ATG4B: variants seen among roughly 807,000 people sequenced by gnomAD.
ATG4B encodes the protein autophagy related 4B cysteine peptidase, also known as cysteine protease ATG4B.
Under a neutral mutation model 56.6 loss-of-function variants are expected in ATG4B, and 29 were observed. The observed-to-expected ratio is 0.51, with a 90% confidence interval of 0.38 to 0.70. The LOEUF (loss-of-function observed/expected upper bound fraction) is 0.70, where lower values mean the gene tolerates loss of function less well. ATG4B is among the 30% of genes least tolerant of loss of function. The pLI, the probability that ATG4B is intolerant of heterozygous loss-of-function variation, is 0.00. For missense variants in ATG4B, 461 were observed against 515.5 expected (o/e 0.89, Z 1.02); for synonymous variants, 224 against 206.1 (o/e 1.09, Z -0.74).
chr2:241,668,655 C>A lies in ATG4B; in HGVS notation c.927C>A (p.Ser309Arg). The change falls in exon 10 of 13, where the codon AGC (serine) becomes AGA (arginine). Residue 309 changes from serine to arginine, a missense_variant. By Grantham distance (110) the Ser-to-Arg change is moderately radical. Transcript: ENST00000404914. The surrounding 1 kb of genome is among the most constrained non-coding windows in gnomAD (Gnocchi z 4.2). ...GCCAGCACCCGCCGTGCCGCATGAG[C>A]ATCGCGGAGCTTGACCCGTCCATCG... is the stretch of plus-strand genomic sequence containing the variant. ...FHCQHPPCRMSIAELDPSIAV... is the reference protein window; with the variant it reads ...FHCQHPPCRMRIAELDPSIAV... The A allele has an allele frequency of 6.3e-7, 1 of 1,579,362 alleles. No individual in the cohort carries two copies. The highest frequency in any genetic ancestry group is 8.6e-7 in the Non-Finnish European group (1 of 1,163,768).
At chr2:241,642,902 A>C (rs2067943787) in intron 1 of ATG4B, among the ~76,000 whole-genome samples, 1 of 52,992 alleles carries the variant, frequency 1.9e-5, no homozygotes, top group Admixed American at 1.7e-4. Context: ...TTTTTTTAAG[A>C]CGGAGTCTCA....
At chr2:241,643,929 A>T (rs141748302) in intron 1 of ATG4B, among the ~76,000 whole-genome samples, 1 of 152,188 alleles carries the variant, frequency 6.6e-6, no homozygotes, top group African/African-American at 2.4e-5. Context: ...CTTATAAATC[A>T]CATGATGTGG....
At chr2:241,637,850 GCGGC>G in intron 1 of ATG4B, 126 bp downstream of exon 1, 1 of 1,174,132 alleles carries the variant, frequency 8.5e-7, no homozygotes, top group Non-Finnish European at 1.1e-6. Context: ...CTGGGCCGGG[GCGGC>G]GGGCGCTGCG....
At chr2:241,639,022 A>G (rs1421975796) in intron 1 of ATG4B, among the ~76,000 whole-genome samples, 1 of 152,106 alleles carries the variant, frequency 6.6e-6, no homozygotes, top group Non-Finnish European at 1.5e-5. Context: ...TCGCCGCAGG[A>G]GATACCCCAT....
At chr2:241,646,768 C>G (rs959306692) in intron 1 of ATG4B, among the ~76,000 whole-genome samples, 1 of 144,772 alleles carries the variant, frequency 6.9e-6, no homozygotes, top group Non-Finnish European at 1.5e-5. Context: ...AGGTAGATTA[C>G]GTGTATTCAA....
intron 1 of ATG4B, among the ~76,000 whole-genome samples, chr2:241,646,344 G>A (rs1260765933): frequency 6.6e-6 from 1 of 151,970 alleles, no homozygotes; most frequent in East Asian, 1.9e-4. Flanking sequence ...TTTTAATATG[G>A]GAAACTAGAC....
chr2:241,671,582 T>G (rs2068972962), intron 12 of ATG4B, 177 bp downstream of exon 12: 1 of 1,521,238 alleles, frequency 6.6e-7, no homozygotes. Flanking sequence ...TCCTCCAAGC[T>G]TGCGCCCAGC....
At chr2:241,646,436 T>TA in intron 1 of ATG4B, among the ~76,000 whole-genome samples, 1 of 152,364 alleles carries the variant, frequency 6.6e-6, no homozygotes, top group Admixed American at 6.5e-5. Flanking sequence ...CCTGATGACA[T>TA]ACGCCACATT....
intron 10 of ATG4B, among the ~76,000 whole-genome samples, chr2:241,669,534 G>A (rs1232689455): frequency 1.3e-5 from 2 of 152,158 alleles, no homozygotes; most frequent in African/African-American, 4.8e-5. Flanking sequence ...TTGAGACGGA[G>A]TCTCACTCTG....
At chr2:241,649,795 T>C (rs1399938620) in intron 1 of ATG4B, among the ~76,000 whole-genome samples, 1 of 150,476 alleles carries the variant, frequency 6.6e-6, no homozygotes, top group Non-Finnish European at 1.5e-5. Flanking sequence ...TTTTTTTTTT[T>C]TTTTTGAGAT....
intron 6 of ATG4B, among the ~76,000 whole-genome samples, chr2:241,657,613 T>C (rs2068448745): frequency 6.6e-6 from 1 of 152,242 alleles, no homozygotes; most frequent in South Asian, 2.1e-4. Flanking sequence ...AATTCCTCTT[T>C]ATTTCAGTGG....
chr2:241,659,198 C>T lies in ATG4B; in HGVS notation c.538+11C>T, dbSNP rs1375295965. 4.7e-5 allele frequency: 76 copies of T among 1,611,844 alleles called. No individual in the cohort carries two copies. Among genetic ancestry groups the T allele is most frequent in the Non-Finnish European group, 5.0e-5 (59 of 1,178,184 alleles). On this transcript the variant is annotated intron_variant, in intron 7 of 12. Coordinates refer to ENST00000404914, the MANE Select transcript of ATG4B (RefSeq NM_013325.5). ...TGATGGAGGAAATCAGTAAGTGGCT[C>T]AGAGTTTCCATGGACAAGAAAGTTG...
chr2:241,659,102 C>T lies in ATG4B; in HGVS notation c.459-6C>T. On this transcript the variant is annotated splice_region_variant and splice_polypyrimidine_tract_variant and intron_variant, in intron 6 of 12. Coordinates refer to ENST00000404914, the MANE Select transcript of ATG4B (RefSeq NM_013325.5). The stretch of plus-strand genomic sequence containing the variant: ...AAGCTTATGGTCATTCTCCTACTCT[C>T]TGTAGGAAGCTTGCTGTCTTCGATA... The T allele has an allele frequency of 6.3e-7, 1 of 1,593,958 alleles. No individual in the cohort carries two copies. Among genetic ancestry groups the T allele is most frequent in the Middle Eastern group, 1.7e-4 (1 of 5,988 alleles).
At chr2:241,649,650 C>T (rs2068169355) in intron 1 of ATG4B, among the ~76,000 whole-genome samples, 1 of 152,260 alleles carries the variant, frequency 6.6e-6, no homozygotes, top group African/African-American at 2.4e-5. Context: ...TGGGCTGGTG[C>T]ATTGCTGCTG....
chr2:241,672,226 G>C lies in ATG4B; in HGVS notation c.1144G>C (p.Asp382His), dbSNP rs1196182391. Residue 382 changes from aspartate (D) to histidine (H), a missense_variant, in exon 13 of 13, where the codon GAC becomes CAC. Transcript: ENST00000404914. ...SDVERLERFF[D>H]SEDEDFEILS... ...TGTAGAGCGACTGGAAAGATTCTTC[G>C]ACTCAGAAGATGAAGACTTTGAAAT... 12 of 1,585,994 alleles carry C rather than the reference G, an allele frequency of 7.6e-6. No individual in the cohort carries two copies. The Admixed American group carries it at 2.2e-4, about 29-fold the overall frequency.
chr2:241,655,354 C>G lies in ATG4B; in HGVS notation c.458+11C>G. 2.5e-6 allele frequency: 4 copies of G among 1,602,414 alleles called. No homozygotes were observed. The highest frequency in any genetic ancestry group is 3.4e-6 in the Non-Finnish European group (4 of 1,174,428). ...CGCCCAGGTCCTGAAGTATGTACTG[C>G]GCTTCCACTGCTGAGCATGGGGCAG... On this transcript the variant is annotated intron_variant, in intron 6 of 12. Coordinates refer to ENST00000404914, the MANE Select transcript of ATG4B (RefSeq NM_013325.5).
At chr2:241,657,684 T>C (rs889350793) in intron 6 of ATG4B, among the ~76,000 whole-genome samples, 2 of 152,200 alleles carry the variant, frequency 1.3e-5, no homozygotes, top group Admixed American at 1.3e-4. Flanking sequence ...ATGTCCAGAC[T>C]CTGACCAGTG....
intron 1 of ATG4B, among the ~76,000 whole-genome samples, chr2:241,639,193 G>A (rs897924100): frequency 6.6e-6 from 1 of 152,246 alleles, no homozygotes; most frequent in Non-Finnish European, 1.5e-5. Context: ...GCTCTGCAGA[G>A]CTTACAGCTA....
rs922334941 is a variant in ATG4B, at chr2:241,672,505, A to C, written c.*241A>C. 2.8e-5 allele frequency: 16 copies of C among 564,952 alleles called. No homozygotes were observed. The highest frequency in any genetic ancestry group is 4.8e-5 in the Non-Finnish European group (15 of 315,458). The allele number at this position is 564,952 out of a possible 1,614,324, so 35.0% of individuals were successfully genotyped here. On this transcript the variant is annotated 3_prime_UTR_variant, in exon 13 of 13. Coordinates refer to ENST00000404914, the MANE Select transcript of ATG4B (RefSeq NM_013325.5). ...GCATCCGCACGCGGAGCCGTCTGTT[A>C]GGAGCTTCCAGAGTGTTCTCTCGAC...
Sources: gnomAD v4.1 joint callset for allele counts (sites outside exome capture counted in the v4.1 genomes callset) on GRCh38, gnomAD v4.1.1 for gene constraint, Gnocchi (gnomAD v3.1) non-coding constraint, MANE v1.5 for transcripts, NCBI Gene and HGNC (gene_info 2026-07-23, HGNC 2026-07-21) for gene names.